The following ZMYND11 variants were observed in gnomAD, a reference collection of about 807,000 sequenced individuals.
ZMYND11 encodes the protein zinc finger MYND-type containing 11, also known as zinc finger MYND domain-containing protein 11.
Under a neutral mutation model 84.9 loss-of-function variants are expected in ZMYND11, and 9 were observed. The observed-to-expected ratio is 0.11, with a 90% CI of 0.06 to 0.18. The LOEUF (loss-of-function observed/expected upper bound fraction) is 0.18, where lower values mean the gene tolerates loss of function less well. ZMYND11 is among the 10% of genes least tolerant of loss of function. The pLI is 1.00. For missense variants in ZMYND11, 409 were observed against 761.0 expected, an observed-to-expected ratio of 0.54 and a Z score of 5.44; for synonymous variants, 250 against 244.1, an observed-to-expected ratio of 1.02 and a Z score of -0.23.
rs189145471 is a variant in ZMYND11 at position 152,166 on chromosome 10, A to G, written c.-20+16607A>G. Among the ~76,000 whole-genome samples the G allele has an allele frequency of 4.9e-3, 741 of 152,344 alleles. 4 individuals are homozygous for G. The highest frequency in any genetic ancestry group is 0.017 in the African/African-American group (716 of 41,582). On this transcript the variant is annotated intron_variant, in intron 1 of 14. Coordinates refer to ENST00000381604, the MANE Select transcript of ZMYND11 (RefSeq NM_001370100.5). The stretch of plus-strand genomic sequence containing the variant: ...GAAGAAACTGCATTAACTAATAAGC[A>G]AAATAACCAGCTAACATCATAATGA...
chr10:205,618 A>G (rs1231786104), intron 2 of ZMYND11, among the ~76,000 whole-genome samples: 1 of 152,086 alleles, frequency 6.6e-6, no homozygotes, highest in African/African-American at 2.4e-5. Flanking sequence ...TGAGGATGGG[A>G]GGTCAAGCCT....
At chr10:247,522 A>G in intron 12 of ZMYND11, 56 bp downstream of exon 12, 3 of 1,560,096 alleles carry the variant, frequency 1.9e-6, no homozygotes, top group African/African-American at 1.4e-5. Context: ...AATATTTTCA[A>G]AGTATTTTGT....
chr10:155,657 G>A (rs1554758583), intron 1 of ZMYND11, among the ~76,000 whole-genome samples: 1 of 152,192 alleles, frequency 6.6e-6, no homozygotes, highest in Non-Finnish European at 1.5e-5. Context: ...TTTTTAAAAA[G>A]CAAATTAAGA....
At chr10:146,554 T>C (rs72770964) in intron 1 of ZMYND11, among the ~76,000 whole-genome samples, 4,713 of 152,344 alleles carry the variant, frequency 0.031, 90 homozygotes, top group Non-Finnish European at 0.05. Context: ...CAGTAGTGTT[T>C]TGTGGTTCTC....
intron 1 of ZMYND11, among the ~76,000 whole-genome samples, chr10:139,704 C>CTTTTTTTTTT (rs67915368): frequency 3.7e-5 from 3 of 80,264 alleles, no homozygotes; most frequent in Non-Finnish European, 6.7e-5. Flanking sequence ...ACACATGGTC[C>CTTTTTTTTTT]TTTTTTTTTT....
At chr10:184,689 G>A (rs906506446) in intron 2 of ZMYND11, among the ~76,000 whole-genome samples, 1 of 152,050 alleles carries the variant, frequency 6.6e-6, no homozygotes, top group South Asian at 2.1e-4. Context: ...TGACCATCAG[G>A]GTGTCATTCT....
chr10:133,389 TG>T (rs1835373870), upstream of ZMYND11, among the ~76,000 whole-genome samples: 1 of 152,170 alleles, frequency 6.6e-6, no homozygotes, highest in African/African-American at 2.4e-5. Context: ...CCACCTTACT[TG>T]GAAAATAGAG....
Position 206,081 on chromosome 10 carries a change from C to T in ZMYND11, c.117-3808C>T, listed in dbSNP as rs867309416. On this transcript the variant is annotated intron_variant, in intron 2 of 14. Coordinates refer to ENST00000381604, the MANE Select transcript of ZMYND11 (RefSeq NM_001370100.5). Reference sequence around the variant, plus strand: ...ATAATCAACAAATAAAAAATCAGGCCGGGCGCGGTGGCTCACGCCTGTAAT... The same window carrying T: ...ATAATCAACAAATAAAAAATCAGGCTGGGCGCGGTGGCTCACGCCTGTAAT... Among the ~76,000 whole-genome samples the T allele has an allele frequency of 9.9e-5, 15 of 151,726 alleles. No homozygotes were observed. The South Asian group carries it at 2.3e-3, about 23-fold the overall frequency.
At chr10:133,860 T>C (rs538079604), upstream of ZMYND11, among the ~76,000 whole-genome samples, 1 of 152,246 alleles carries the variant, frequency 6.6e-6, no homozygotes, top group Non-Finnish European at 1.5e-5. Flanking sequence ...CTCTCTGGGA[T>C]GTATCAGATT....
chr10:133,044 C>T (rs148223940), upstream of ZMYND11, among the ~76,000 whole-genome samples: 31 of 152,308 alleles, frequency 2.0e-4, no homozygotes, highest in African/African-American at 7.5e-4. Flanking sequence ...CCCAGACCCA[C>T]ACACACACAT....
chr10:183,434 A>T (rs528546602), intron 2 of ZMYND11, among the ~76,000 whole-genome samples: 7 of 152,134 alleles, frequency 4.6e-5, no homozygotes, highest in Non-Finnish European at 4.4e-5. Context: ...ATCAGGACAC[A>T]CATGATGTCA....
At chr10:209,865 A>C (rs1230839654) in intron 2 of ZMYND11, 24 bp from the exon 3 acceptor site, 1 of 1,573,904 alleles carries the variant, frequency 6.4e-7, no homozygotes, top group Admixed American at 1.9e-5. Context: ...AAGATTTTTA[A>C]ATTTGTTTTT....
At chr10:142,225 C>G (rs1554754148) in intron 1 of ZMYND11, among the ~76,000 whole-genome samples, 1 of 152,168 alleles carries the variant, frequency 6.6e-6, no homozygotes, top group African/African-American at 2.4e-5. Context: ...CTCAGCCTCC[C>G]CAGGAGCTAG....
At chr10:225,003 GAAA>G in intron 4 of ZMYND11, among the ~76,000 whole-genome samples, 1 of 151,662 alleles carries the variant, frequency 6.6e-6, no homozygotes, top group Non-Finnish European at 1.5e-5. Context: ...AATTTTCCAG[GAAA>G]AAAATAAGAA....
intron 1 of ZMYND11, among the ~76,000 whole-genome samples, chr10:148,974 C>T (rs1389160520): frequency 6.6e-6 from 1 of 152,074 alleles, no homozygotes; most frequent in African/African-American, 2.4e-5. Context: ...TTAATTGCTG[C>T]TGAGTTAGAA....
intron 10 of ZMYND11, among the ~76,000 whole-genome samples, chr10:244,769 G>C (rs1328477786): frequency 6.6e-6 from 1 of 152,116 alleles, no homozygotes. Flanking sequence ...TTTATTTTTT[G>C]TAGATCAGAG....
At chr10:184,789 T>A (rs1937709878) in intron 2 of ZMYND11, among the ~76,000 whole-genome samples, 3 of 152,214 alleles carry the variant, frequency 2.0e-5, no homozygotes, top group Admixed American at 2.0e-4. Flanking sequence ...TTCTGAATAC[T>A]CTTTCCAGAT....
intron 2 of ZMYND11, among the ~76,000 whole-genome samples, chr10:208,104 C>T (rs974655460): frequency 5.3e-5 from 8 of 152,172 alleles, no homozygotes; most frequent in African/African-American, 1.9e-4. Context: ...ATGTAGAAAG[C>T]TGAAACTGGA....
chr10:193,431 G>A (rs1000287818), intron 2 of ZMYND11, among the ~76,000 whole-genome samples: 5 of 152,142 alleles, frequency 3.3e-5, no homozygotes, highest in African/African-American at 1.2e-4. Flanking sequence ...ATCTCTTTTG[G>A]ATATGGGGTA....
Sources: gnomAD v4.1 joint callset for allele counts (sites outside exome capture counted in the v4.1 genomes callset) on GRCh38, gnomAD v4.1.1 for gene constraint, MANE v1.5 for transcripts, NCBI Gene and HGNC (gene_info 2026-07-23, HGNC 2026-07-21) for gene names.